The following CDH2 variants were observed in gnomAD, a reference collection of about 807,000 sequenced individuals.
CDH2 encodes the protein cadherin-2.
CDH2 carries 17 observed loss-of-function variants against 92.0 expected under a neutral mutation model. That is an observed-to-expected ratio of 0.18 (90% confidence interval 0.13 to 0.28). CDH2 has a LOEUF of 0.28. Among genes scored for constraint, CDH2 ranks in the 10% least tolerant of loss-of-function variants. The pLI is 1.00. For missense variants in CDH2, 862 were observed against 1,133.1 expected (o/e 0.76, Z 3.44); for synonymous variants, 419 against 415.9 (o/e 1.01, Z -0.09).
At chr18:27,981,497 A>G (rs2012053129) in intron 14 of CDH2, among the ~76,000 whole-genome samples, 1 of 152,172 alleles carries the variant, frequency 6.6e-6, no homozygotes, top group Non-Finnish European at 1.5e-5. Flanking sequence ...TAAATGAGAG[A>G]GCTGGGGTAT....
intron 2 of CDH2, among the ~76,000 whole-genome samples, chr18:28,086,391 T>G (rs2014928113): frequency 6.6e-6 from 1 of 152,144 alleles, no homozygotes; most frequent in Non-Finnish European, 1.5e-5. Context: ...GCTAATTTCC[T>G]TTATTTATTA....
intron 2 of CDH2, among the ~76,000 whole-genome samples, chr18:28,094,803 A>AAAAG (rs2015101155): frequency 6.7e-6 from 1 of 149,748 alleles, no homozygotes; most frequent in African/African-American, 2.5e-5. Context: ...AAAAAAAAAA[A>AAAAG]AAAAAAAAAA....
chr18:27,985,688 C>G lies in CDH2; in HGVS notation c.1815G>C (p.Val605=). 6.2e-7 allele frequency: 1 copy of G among 1,613,916 alleles called. No individual in the cohort carries two copies. Among genetic ancestry groups the G allele is most frequent in the Non-Finnish European group, 8.5e-7 (1 of 1,179,818 alleles). Residue 605 remains valine (V), a synonymous_variant, in exon 12 of 16, where the codon GTG becomes GTC. Transcript: ENST00000269141. ...CGCAAGTCTCTGCCTCTTGAGGTAA[C>G]ACTTGAGGGGCATTGTCATTAATAT... ...LLDINDNAPQ[V]LPQEAETCET...
rs77013238 is a variant in CDH2, at chr18:28,132,130, C to A, written c.172+15543G>T. The stretch of plus-strand genomic sequence containing the variant: ...TGATACTTCCCCTTTCTGGCCTTCG[C>A]CATGTACACCAGCCTCTCATTCCCC... On this transcript the variant is annotated intron_variant, in intron 2 of 15. Transcript: ENST00000269141. 1.1e-3 allele frequency among the ~76,000 whole-genome samples: 163 copies of A among 152,332 alleles called. 3 individuals carry two copies. Among genetic ancestry groups the A allele is most frequent in the African/African-American group, 3.7e-3 (154 of 41,568 alleles).
chr18:28,064,137 G>C (rs958286443), intron 2 of CDH2, among the ~76,000 whole-genome samples: 4 of 96,052 alleles, frequency 4.2e-5, no homozygotes, highest in East Asian at 2.0e-4. Flanking sequence ...CCTCAAAAGA[G>C]GGGGGGGTAG....
intron 2 of CDH2, among the ~76,000 whole-genome samples, chr18:28,058,171 A>G (rs2014332280): frequency 6.6e-6 from 1 of 152,236 alleles, no homozygotes; most frequent in South Asian, 2.1e-4. Flanking sequence ...AAGCCAATAC[A>G]ATAACAGTAA....
chr18:28,160,983 T>C (rs78470209), intron 1 of CDH2, among the ~76,000 whole-genome samples: 1 of 152,214 alleles, frequency 6.6e-6, no homozygotes, highest in Non-Finnish European at 1.5e-5. Context: ...TTTTCTCATC[T>C]AGCATATTCA....
chr18:28,124,537 T>C (rs1353569536), intron 2 of CDH2, among the ~76,000 whole-genome samples: 1 of 152,168 alleles, frequency 6.6e-6, no homozygotes, highest in Non-Finnish European at 1.5e-5. Flanking sequence ...TTTCTAAATA[T>C]TGGCCACTGG....
intron 2 of CDH2, among the ~76,000 whole-genome samples, chr18:28,130,378 A>AGGAAT (rs1400108861): frequency 3.3e-5 from 5 of 152,248 alleles, no homozygotes; most frequent in Non-Finnish European, 7.3e-5. Context: ...TAATTTAGAA[A>AGGAAT]GGAATGGAAT....
chr18:27,943,590 C>T (rs1181012081), intron 6 of CDH2, among the ~76,000 whole-genome samples: 2 of 152,104 alleles, frequency 1.3e-5, no homozygotes, highest in African/African-American at 4.8e-5. Context: ...AATGATGAGT[C>T]TATAAGACGT....
At chr18:27,965,302 C>A (rs569830024) in intron 14 of CDH2, among the ~76,000 whole-genome samples, 1 of 152,190 alleles carries the variant, frequency 6.6e-6, no homozygotes, top group Non-Finnish European at 1.5e-5. Flanking sequence ...CACATACATA[C>A]GCTGATGGAA....
chr18:28,016,686 T>A (rs2013257777), intron 2 of CDH2, among the ~76,000 whole-genome samples: 1 of 152,086 alleles, frequency 6.6e-6, no homozygotes, highest in Non-Finnish European at 1.5e-5. Context: ...TTTACTCCCA[T>A]ACAAAAGTGC....
chr18:28,039,526 C>T (rs2013907464), intron 2 of CDH2, among the ~76,000 whole-genome samples: 1 of 152,110 alleles, frequency 6.6e-6, no homozygotes, highest in Non-Finnish European at 1.5e-5. Flanking sequence ...AGCAACTTGC[C>T]CCTAGGTCCC....
downstream of CDH2, among the ~76,000 whole-genome samples, chr18:27,947,575 C>T (rs1419884901): frequency 1.3e-5 from 2 of 151,598 alleles, no homozygotes; most frequent in African/African-American, 2.4e-5. Context: ...GAGTATTGTA[C>T]AGGAATTTAA....
chr18:28,119,429 A>G (rs2015549792), intron 2 of CDH2, among the ~76,000 whole-genome samples: 1 of 152,092 alleles, frequency 6.6e-6, no homozygotes, highest in Non-Finnish European at 1.5e-5. Context: ...ACAGATCTCC[A>G]TCAGTAATTG....
intron 2 of CDH2, among the ~76,000 whole-genome samples, chr18:28,135,221 T>C (rs1037977128): frequency 1.3e-5 from 2 of 152,194 alleles, no homozygotes; most frequent in Non-Finnish European, 2.9e-5. Context: ...CATTTATAAA[T>C]AACCAATCTA....
intron 2 of CDH2, among the ~76,000 whole-genome samples, chr18:28,088,753 T>G (rs1352166329): frequency 1.3e-5 from 2 of 152,074 alleles, no homozygotes; most frequent in African/African-American, 4.8e-5. Flanking sequence ...TCCCAGCAAG[T>G]CAAGTGTTGC....
chr18:28,032,858 ACT>A (rs1406081720), intron 2 of CDH2, among the ~76,000 whole-genome samples: 1 of 151,908 alleles, frequency 6.6e-6, no homozygotes, highest in Non-Finnish European at 1.5e-5. Flanking sequence ...ACTGCCCCAC[ACT>A]CAACGAAAAT....
At chr18:28,114,195 C>T (rs535914960) in intron 2 of CDH2, among the ~76,000 whole-genome samples, 1 of 152,230 alleles carries the variant, frequency 6.6e-6, no homozygotes, top group South Asian at 2.1e-4. Flanking sequence ...AGAAGGAAGA[C>T]ACTGAACATT....
Sources: allele counts gnomAD v4.1 joint callset (sites outside exome capture counted in the v4.1 genomes callset), GRCh38; gene constraint gnomAD v4.1.1; transcripts MANE v1.5; gene names NCBI Gene and HGNC (gene_info 2026-07-23, HGNC 2026-07-21).